The following PCDHGA3 variants were observed in gnomAD, a reference collection of about 807,000 sequenced individuals.
The protein encoded by PCDHGA3 is protocadherin gamma-A3.
Under a neutral mutation model 58.5 loss-of-function variants are expected in PCDHGA3, and 40 were observed. That is an observed-to-expected ratio of 0.68 (90% CI 0.53 to 0.89). PCDHGA3 has a LOEUF of 0.89. Among genes scored for constraint, PCDHGA3 ranks in the 40% least tolerant of loss-of-function variants. PCDHGA3 has a pLI of 0.00. For missense variants in PCDHGA3, 1,223 were observed against 1,195.9 expected, an observed-to-expected ratio of 1.02 and a Z score of -0.33; for synonymous variants, 530 against 525.7, an observed-to-expected ratio of 1.01 and a Z score of -0.11.
Position 141,486,362 on chromosome 5 carries a change from C to A in PCDHGA3, c.2425-8445C>A. On this transcript the variant is annotated intron_variant, in intron 1 of 3. Coordinates refer to ENST00000253812, the MANE Select transcript of PCDHGA3 (RefSeq NM_018916.4). The surrounding 1 kb of genome is among the most constrained non-coding windows in gnomAD (Gnocchi z 5.0). ...CATTCCTGACCACTTGCCATTTGCC[C>A]TCAAGTCTGCCTTCAGGAACCAGTT... The A allele has an allele frequency of 6.2e-7, 1 of 1,614,132 alleles. No individual in the cohort carries two copies. The highest frequency in any genetic ancestry group is 1.7e-5 in the Admixed American group (1 of 60,024).
chr5:141,497,060 G>A (rs1244885752), intron 2 of PCDHGA3, among the ~76,000 whole-genome samples: 1 of 151,952 alleles, frequency 6.6e-6, no homozygotes, highest in African/African-American at 2.4e-5. Context: ...GTGGTGGCAG[G>A]CACCTGTAAT....
At chr5:141,389,766 C>G in intron 1 of PCDHGA3, 1 of 1,613,060 alleles carries the variant, frequency 6.2e-7, no homozygotes, top group Non-Finnish European at 8.5e-7. Flanking sequence ...GCGCACAGCG[C>G]GTGCCTTAGG....
intron 1 of PCDHGA3, chr5:141,365,283 A>C: frequency 6.2e-7 from 1 of 1,614,010 alleles, no homozygotes; most frequent in East Asian, 2.2e-5. Context: ...TACCTCATGG[A>C]AGTGGTAGCT....
intron 1 of PCDHGA3, chr5:141,374,180 T>C (rs1347088415): frequency 6.2e-7 from 1 of 1,613,682 alleles, no homozygotes; most frequent in Non-Finnish European, 8.5e-7. Context: ...GCAGATCCGC[T>C]ACTCTATTCC....
At chr5:141,371,130 A>G (rs1055242827) in intron 1 of PCDHGA3, 3 of 1,614,014 alleles carry the variant, frequency 1.9e-6, no homozygotes, top group East Asian at 2.2e-5. Context: ...TACTCAGGAC[A>G]TGTACAGGGT....
chr5:141,385,424 C>CT, intron 1 of PCDHGA3: 1 of 1,461,926 alleles, frequency 6.8e-7, no homozygotes, highest in Admixed American at 2.8e-5. Flanking sequence ...ATTTAAAAAA[C>CT]TTTATAGAGG....
intron 1 of PCDHGA3, chr5:141,382,819 G>T (rs1449028360): frequency 3.1e-6 from 4 of 1,297,848 alleles, no homozygotes; most frequent in Non-Finnish European, 4.3e-6. Flanking sequence ...CCCTTCCTAA[G>T]ACAGAGGGGT....
intron 1 of PCDHGA3, chr5:141,356,720 T>C: frequency 6.2e-7 from 1 of 1,614,006 alleles, no homozygotes. Context: ...TATGTCTCCA[T>C]CAACTCCAAT....
chr5:141,381,826 C>CTTCTTTTTTTT (rs1777532522), intron 1 of PCDHGA3, among the ~76,000 whole-genome samples: 8 of 74,294 alleles, frequency 1.1e-4, no homozygotes, highest in African/African-American at 4.3e-4. Context: ...CTTTCTTCTT[C>CTTCTTTTTTTT]TTTTTTTTTT....
Position 141,361,130 on chromosome 5 carries a change from GT to G in PCDHGA3, c.2424+14674del, listed in dbSNP as rs780553353. On this transcript the variant is annotated intron_variant, in intron 1 of 3. Coordinates refer to ENST00000253812, the MANE Select transcript of PCDHGA3 (RefSeq NM_018916.4). ...CCTGGAGATCTAGCAGCCCACTGCA[GT>G]ATCCAAGTTGAAATTCTTGATGACA... The G allele has an allele frequency of 1.2e-4, 192 of 1,613,888 alleles. 1 individual carries two copies. The Admixed American group carries it at 3.2e-3, about 27-fold the overall frequency.
Position 141,345,486 on chromosome 5 carries a change from G to A in PCDHGA3, c.1453G>A (p.Ala485Thr), listed in dbSNP as rs773154186. The change falls in exon 1 of 4, where the codon GCC becomes ACC. Residue 485 changes from alanine to threonine, a missense_variant. By Grantham distance (58) the Ala-to-Thr change is moderately conservative. Around this residue, in one of 3 missense-constraint regions of PCDHGA3, gnomAD observed 791 missense variants for 708.5 expected, o/e 1.12. Transcript: ENST00000253812. ...CCAGGACCCAGATAGCAACAACAAC[G>A]CCCGCATCACTTATGCATTGACCGA... ...TAQDPDSNNNARITYALTEDT... is the reference protein window; with the variant it reads ...TAQDPDSNNNTRITYALTEDT... 3.7e-6 allele frequency: 6 copies of A among 1,613,890 alleles called. No individual in the cohort carries two copies. The Admixed American group carries it at 6.7e-5, about 18-fold the overall frequency.
At position 141,434,489 on chromosome 5, in the gene PCDHGA3, C is replaced by G. The variant is rs921000136; in HGVS notation, c.2425-60318C>G. On this transcript the variant is annotated intron_variant, in intron 1 of 3. Coordinates refer to ENST00000253812, the MANE Select transcript of PCDHGA3 (RefSeq NM_018916.4). ...GAATGAGGGCAAGGAACACCTGGCC[C>G]GCCCAGGGCAGAAAACTGCTTAAAG... Among the ~76,000 whole-genome samples, 8 of 152,158 alleles carry G rather than the reference C, an allele frequency of 5.3e-5. 1 individual carries two copies. The highest frequency in any genetic ancestry group is 2.6e-4 in the Admixed American group (4 of 15,284).
Position 141,431,687 on chromosome 5 carries a change from G to A in PCDHGA3, c.2425-63120G>A. On this transcript the variant is annotated intron_variant, in intron 1 of 3. Transcript: ENST00000253812. This position sits in a 1 kb window ranked among gnomAD's most constrained non-coding sequence, Gnocchi z 4.8. ...ATCAACAATAGGGGAGTTGGACCAC[G>A]AGGAGTCAGGATTCTACCAGATGGA... The A allele has an allele frequency of 1.9e-6, 3 of 1,614,214 alleles. No homozygotes were observed. Among genetic ancestry groups the A allele is most frequent in the Middle Eastern group, 1.6e-4 (1 of 6,062 alleles).
chr5:141,361,332 G>T lies in PCDHGA3; in HGVS notation c.2424+14875G>T, dbSNP rs544332613. 9 of 1,613,816 alleles carry T rather than the reference G, an allele frequency of 5.6e-6. No homozygotes were observed. The Admixed American group carries it at 8.3e-5, about 15-fold the overall frequency. ...AGTTTATTTTGAAATCTTCCTCAAAGAACTATTACAAACTAGTGACAGACG... is the reference window on the plus strand; with the variant it reads ...AGTTTATTTTGAAATCTTCCTCAAATAACTATTACAAACTAGTGACAGACG... On this transcript the variant is annotated intron_variant, in intron 1 of 3. Transcript: ENST00000253812.
At chr5:141,373,954 T>C (rs1439763136) in intron 1 of PCDHGA3, 3 of 850,698 alleles carry the variant, frequency 3.5e-6, no homozygotes, top group East Asian at 5.9e-5. Context: ...GCAGAAATTC[T>C]GACCTGAAAC....
chr5:141,469,881 G>A (rs922510082), intron 1 of PCDHGA3, among the ~76,000 whole-genome samples: 11 of 152,056 alleles, frequency 7.2e-5, no homozygotes, highest in Admixed American at 3.3e-4. Context: ...CTGTAATCTC[G>A]GCACTTTGGG....
At chr5:141,448,316 T>G (rs1042171540) in intron 1 of PCDHGA3, among the ~76,000 whole-genome samples, 2 of 152,174 alleles carry the variant, frequency 1.3e-5, no homozygotes, top group Admixed American at 1.3e-4. Context: ...AGGAATCTTT[T>G]CTTTGAATCT....
chr5:141,355,943 A>G lies in PCDHGA3; in HGVS notation c.2424+9486A>G, dbSNP rs747714819. 9 of 1,613,862 alleles carry G rather than the reference A, an allele frequency of 5.6e-6. No homozygotes were observed. The East Asian group carries it at 1.8e-4, about 32-fold the overall frequency. ...CCCGTGTTCACTCAGCCCGAGTACC[A>G]CGTAAGTGTTCGTGAGAACGTTCCT... On this transcript the variant is annotated intron_variant, in intron 1 of 3. Coordinates refer to ENST00000253812, the MANE Select transcript of PCDHGA3 (RefSeq NM_018916.4).
intron 1 of PCDHGA3, chr5:141,399,813 G>A (rs985564503): frequency 6.2e-7 from 1 of 1,613,198 alleles, no homozygotes; most frequent in Non-Finnish European, 8.5e-7. Context: ...TGTACCCCGC[G>A]CTGGGTCCCG....
Sources: gnomAD v4.1 joint callset for allele counts (sites outside exome capture counted in the v4.1 genomes callset) on GRCh38, gnomAD v4.1.1 for gene constraint, gnomAD v4.1.1 regional missense constraint, Gnocchi (gnomAD v3.1) non-coding constraint, MANE v1.5 for transcripts, NCBI Gene and HGNC (gene_info 2026-07-23, HGNC 2026-07-21) for gene names.